PITPNM3: variants seen among roughly 807,000 people sequenced by gnomAD.
The protein encoded by PITPNM3 is membrane-associated phosphatidylinositol transfer protein 3.
A neutral mutation model predicts 102.0 loss-of-function variants in PITPNM3; 26 were observed. The ratio of observed to expected loss-of-function variants is 0.25; its 90% CI spans 0.19 to 0.35. The LOEUF is 0.35. Among genes scored for constraint, PITPNM3 ranks in the 10% least tolerant of loss-of-function variants. PITPNM3 has a pLI of 1.00. For synonymous variants in PITPNM3, 578 were observed against 558.6 expected, an observed-to-expected ratio of 1.03 and a Z score of -0.49; for missense variants, 1,083 against 1,346.1, an observed-to-expected ratio of 0.80 and a Z score of 3.06.
At chr17:6,479,445 C>T (rs1429062574) in intron 6 of PITPNM3, 3 of 152,522 alleles carry the variant, frequency 2.0e-5, no homozygotes, top group Non-Finnish European at 4.4e-5. Flanking sequence ...TCAGACTCAC[C>T]TGAGACCAGT....
At chr17:6,534,218 G>C (rs2150659069) in intron 2 of PITPNM3, among the ~76,000 whole-genome samples, 2 of 152,262 alleles carry the variant, frequency 1.3e-5, no homozygotes, top group East Asian at 3.9e-4. Context: ...GAATCTGGGA[G>C]CCTGGACCCC....
chr17:6,472,613 C>A lies in PITPNM3; in HGVS notation c.1429+44G>T. The stretch of plus-strand genomic sequence containing the variant: ...TGGAGGGGTTGAATGGGCTGGGGCC[C>A]CACCTCCAGCTCAGCACACTCTCTC... On this transcript the variant is annotated intron_variant, in intron 11 of 19. Coordinates refer to ENST00000262483, the MANE Select transcript of PITPNM3 (RefSeq NM_031220.4). The surrounding 1 kb of genome is among the most constrained non-coding windows in gnomAD (Gnocchi z 4.1). 6.3e-7 allele frequency: 1 copy of A among 1,589,956 alleles called. No homozygotes were observed. Among genetic ancestry groups the A allele is most frequent in the East Asian group, 2.3e-5 (1 of 43,450 alleles).
intron 11 of PITPNM3, among the ~76,000 whole-genome samples, chr17:6,471,792 T>C (rs1478175308): frequency 6.6e-6 from 1 of 152,034 alleles, no homozygotes; most frequent in Non-Finnish European, 1.5e-5. Context: ...GACTCCAGCC[T>C]GAGAGCTAGG....
chr17:6,485,999 C>CA (rs1906069779), intron 4 of PITPNM3, among the ~76,000 whole-genome samples: 1 of 152,182 alleles, frequency 6.6e-6, no homozygotes, highest in South Asian at 2.1e-4. Context: ...TGGCCCTTTC[C>CA]AGAAATGTCT....
chr17:6,473,902 G>A (rs1490310579), intron 10 of PITPNM3, among the ~76,000 whole-genome samples: 2 of 150,454 alleles, frequency 1.3e-5, no homozygotes, highest in South Asian at 2.1e-4. Context: ...GGTTTAACCC[G>A]GGAGGCAGAG....
At chr17:6,551,212 C>T (rs1377334048) in intron 1 of PITPNM3, among the ~76,000 whole-genome samples, 1 of 152,128 alleles carries the variant, frequency 6.6e-6, no homozygotes, top group Non-Finnish European at 1.5e-5. Flanking sequence ...AAAAAATTAG[C>T]CGGGCATGGT....
At chr17:6,543,719 G>C (rs770544030) in intron 1 of PITPNM3, among the ~76,000 whole-genome samples, 1 of 152,186 alleles carries the variant, frequency 6.6e-6, no homozygotes, top group South Asian at 2.1e-4. Flanking sequence ...AGGAGCAGAC[G>C]TCCTGGCCCG....
At chr17:6,476,912 G>C in intron 9 of PITPNM3, 117 bp downstream of exon 9, 1 of 1,319,622 alleles carries the variant, frequency 7.6e-7, no homozygotes, top group South Asian at 1.3e-5. Context: ...CTTGGTCCCA[G>C]CATTTCAGTG....
chr17:6,483,403 CAG>C, intron 6 of PITPNM3, 112 bp downstream of exon 6: 1 of 1,006,362 alleles, frequency 9.9e-7, no homozygotes, highest in Non-Finnish European at 1.5e-6. Context: ...TCTGACACCC[CAG>C]AGAGTCCTTG....
chr17:6,543,419 C>T (rs896039482), intron 1 of PITPNM3, among the ~76,000 whole-genome samples: 4 of 152,232 alleles, frequency 2.6e-5, no homozygotes, highest in Admixed American at 6.5e-5. Flanking sequence ...ATCAGGGACC[C>T]CAAGGCAGCC....
Position 6,531,329 on chromosome 17 carries a change from G to A in PITPNM3, c.119-5866C>T, listed in dbSNP as rs569862545. 2.0e-5 allele frequency among the ~76,000 whole-genome samples: 3 copies of A among 152,290 alleles called. No individual in the cohort carries two copies. In the South Asian group the frequency reaches 6.2e-4, roughly 32 times the overall value. ...CAGTGACTGCACTAGCCCCAACCTT[G>A]CATCCTTTCAGGGATGAAGACTTCA... On this transcript the variant is annotated intron_variant, in intron 2 of 19. Coordinates refer to ENST00000262483, the MANE Select transcript of PITPNM3 (RefSeq NM_031220.4).
chr17:6,534,474 G>C (rs1409757777), intron 2 of PITPNM3, among the ~76,000 whole-genome samples: 1 of 152,222 alleles, frequency 6.6e-6, no homozygotes, highest in East Asian at 1.9e-4. Context: ...CAGGCCAAAG[G>C]GTTGGGGCTG....
At chr17:6,543,601 G>A (rs1457959260) in intron 1 of PITPNM3, among the ~76,000 whole-genome samples, 3 of 152,246 alleles carry the variant, frequency 2.0e-5, no homozygotes, top group Non-Finnish European at 4.4e-5. Flanking sequence ...GTGCCAGGAA[G>A]GAAGGAGTAG....
At chr17:6,543,956 TCTC>T (rs1402320646) in intron 1 of PITPNM3, among the ~76,000 whole-genome samples, 4 of 152,088 alleles carry the variant, frequency 2.6e-5, no homozygotes, top group Non-Finnish European at 5.9e-5. Flanking sequence ...TCTAGAACTT[TCTC>T]CTCAAGGGTA....
chr17:6,470,204 G>C lies in PITPNM3; in HGVS notation c.1773+56C>G, dbSNP rs1178237390. On this transcript the variant is annotated intron_variant, in intron 13 of 19. Coordinates refer to ENST00000262483, the MANE Select transcript of PITPNM3 (RefSeq NM_031220.4). The surrounding 1 kb of genome is among the most constrained non-coding windows in gnomAD (Gnocchi z 4.8). Reference sequence around the variant, plus strand: ...AATAGCCTCCTCTCCAGCTGGAGAAGGGGCGGTACCCCCTTGGGGTGGCTG... The same window carrying C: ...AATAGCCTCCTCTCCAGCTGGAGAACGGGCGGTACCCCCTTGGGGTGGCTG... The C allele has an allele frequency of 2.7e-5, 41 of 1,529,932 alleles. No individual in the cohort carries two copies. Among genetic ancestry groups the C allele is most frequent in the Non-Finnish European group, 2.9e-5 (33 of 1,127,832 alleles). The allele number at this position is 1,529,932 out of a possible 1,614,324, so 94.8% of individuals were successfully genotyped here.
chr17:6,498,147 G>T (rs760237703), intron 4 of PITPNM3, among the ~76,000 whole-genome samples: 9 of 152,224 alleles, frequency 5.9e-5, no homozygotes, highest in African/African-American at 2.2e-4. Context: ...GATTCAGCAC[G>T]TGTGAGCCCA....
Position 6,556,520 on chromosome 17 carries a change from C to T in PITPNM3, c.-114G>A. 1.4e-6 allele frequency: 1 copy of T among 708,022 alleles called. No individual in the cohort carries two copies. The highest frequency in any genetic ancestry group is 1.7e-6 in the Non-Finnish European group (1 of 576,554). The allele number at this position is 708,022 out of a possible 1,614,324, so 43.9% of individuals were successfully genotyped here. On this transcript the variant is annotated 5_prime_UTR_variant, in exon 1 of 20. Transcript: ENST00000262483. The surrounding 1 kb of genome is among the most constrained non-coding windows in gnomAD (Gnocchi z 5.2). ...CGAGCGCCGCGCCCGCGCCCCCGCCCCGCTCGCCTCGGCTGCCGCCACCGC... is the reference window on the plus strand; with the variant it reads ...CGAGCGCCGCGCCCGCGCCCCCGCCTCGCTCGCCTCGGCTGCCGCCACCGC...
rs1278500609 is a variant in PITPNM3, at chr17:6,469,075, C to G, written c.1774-734G>C. On this transcript the variant is annotated intron_variant, in intron 13 of 19. Coordinates refer to ENST00000262483, the MANE Select transcript of PITPNM3 (RefSeq NM_031220.4). This position sits in a 1 kb window ranked among gnomAD's most constrained non-coding sequence, Gnocchi z 4.0. The stretch of plus-strand genomic sequence containing the variant: ...CCTCCAACCTCAGGGATGTCCTCTT[C>G]TCTCCTTCAGTGGCTTCTCCTTCTC... Among the ~76,000 whole-genome samples, 1 of 152,168 alleles carries G rather than the reference C, an allele frequency of 6.6e-6. No homozygotes were observed. Among genetic ancestry groups the G allele is most frequent in the Non-Finnish European group, 1.5e-5 (1 of 68,032 alleles).
At chr17:6,552,096 C>T (rs1910342272) in intron 1 of PITPNM3, among the ~76,000 whole-genome samples, 1 of 152,188 alleles carries the variant, frequency 6.6e-6, no homozygotes. Context: ...ACTTTACTGA[C>T]TCAAATTACT....
Sources: gnomAD v4.1 joint callset for allele counts (sites outside exome capture counted in the v4.1 genomes callset) on GRCh38, gnomAD v4.1.1 for gene constraint, Gnocchi (gnomAD v3.1) non-coding constraint, MANE v1.5 for transcripts, NCBI Gene and HGNC (gene_info 2026-07-23, HGNC 2026-07-21) for gene names.